MON2: variants seen among roughly 807,000 people sequenced by gnomAD.
The protein encoded by MON2 is protein MON2 homolog.
In MON2, 84 loss-of-function variants were observed where a neutral mutation model predicts 208.6. The ratio of observed to expected loss-of-function variants is 0.40; its 90% confidence interval spans 0.34 to 0.48. The LOEUF (loss-of-function observed/expected upper bound fraction) is 0.48. Ranked by LOEUF, MON2 falls within the 20% of genes least tolerant of loss-of-function variation. The pLI is 0.59. For missense variants in MON2, 1,611 were observed against 2,015.4 expected (o/e 0.80, Z 3.84); for synonymous variants, 660 against 694.0 (o/e 0.95, Z 0.77).
chr12:62,481,298 G>C (rs185509069), intron 1 of MON2, among the ~76,000 whole-genome samples: 1 of 152,028 alleles, frequency 6.6e-6, no homozygotes, highest in Non-Finnish European at 1.5e-5. Flanking sequence ...AGGCTGAGGC[G>C]GGCGGATCAC....
At chr12:62,588,213 G>A (rs150301464) in intron 34 of MON2, 57 bp downstream of exon 34, 14,848 of 1,213,650 alleles carry the variant, frequency 0.012, 135 homozygotes, top group Non-Finnish European at 0.015. Flanking sequence ...TATTTGTGAT[G>A]GACTTTTGTC....
At chr12:62,556,559 T>C in intron 25 of MON2, among the ~76,000 whole-genome samples, 1 of 152,090 alleles carries the variant, frequency 6.6e-6, no homozygotes, top group African/African-American at 2.4e-5. Flanking sequence ...CTGAGATCTG[T>C]AGGGTAAGTA....
chr12:62,504,418 G>A (rs1293587328), intron 7 of MON2, among the ~76,000 whole-genome samples: 4 of 151,468 alleles, frequency 2.6e-5, no homozygotes, highest in Non-Finnish European at 5.9e-5. Flanking sequence ...CTAATTTTTT[G>A]TATTTTTTTT....
intron 12 of MON2, among the ~76,000 whole-genome samples, chr12:62,534,196 G>A (rs896007265): frequency 1.3e-5 from 2 of 150,958 alleles, no homozygotes; most frequent in African/African-American, 2.4e-5. Flanking sequence ...TTTGAGTCCA[G>A]TCTGAGTAAC....
chr12:62,519,308 A>C (rs182599491), intron 8 of MON2, among the ~76,000 whole-genome samples: 40 of 152,160 alleles, frequency 2.6e-4, no homozygotes, highest in East Asian at 2.3e-3. Context: ...CAGCTGAGTG[A>C]TACTGGGGGT....
chr12:62,531,849 A>C (rs929144336), intron 11 of MON2, among the ~76,000 whole-genome samples: 8 of 151,868 alleles, frequency 5.3e-5, no homozygotes, highest in African/African-American at 1.9e-4. Context: ...GGCTCACTGC[A>C]AGCTCTGCCT....
chr12:62,521,418 T>C (rs922040345), intron 8 of MON2, among the ~76,000 whole-genome samples: 2 of 152,180 alleles, frequency 1.3e-5, no homozygotes, highest in Non-Finnish European at 2.9e-5. Context: ...TGATTTCTGC[T>C]AAGGCACCAG....
rs1261185346 is a variant in MON2 at position 62,555,981 on chromosome 12, A to T, written c.3211-13A>T. 6.4e-7 allele frequency: 1 copy of T among 1,567,000 alleles called. No homozygotes were observed. The highest frequency in any genetic ancestry group is 8.7e-7 in the Non-Finnish European group (1 of 1,143,148). ...ATCAATGCATTTTAAATGACATTTT[A>T]ATAAATATTTAGGTACTCTTTCATC... On this transcript the variant is annotated splice_polypyrimidine_tract_variant and intron_variant, in intron 24 of 34. Transcript: ENST00000393630.
chr12:62,543,187 C>A lies in MON2; in HGVS notation c.2455C>A (p.His819Asn). The A allele has an allele frequency of 6.6e-7, 1 of 1,524,138 alleles. No homozygotes were observed. The highest frequency in any genetic ancestry group is 1.4e-5 in the African/African-American group (1 of 70,528). The allele number at this position is 1,524,138 out of a possible 1,614,324, so 94.4% of individuals were successfully genotyped here. A position where few individuals can be genotyped will look rare whatever the true frequency, so the allele number is the denominator to read the frequency against. Residue 819 changes from histidine (H) to asparagine (N), a missense_variant, in exon 20 of 35, where the codon CAT becomes AAT. His to Asn is a moderately conservative substitution (Grantham distance 68, BLOSUM62 1). Coordinates refer to ENST00000393630, the MANE Select transcript of MON2 (RefSeq NM_015026.3). ...AATTCTGTGGAGACCTCTGACTGGCCATCTACTTGAGGTAAATTCTCTTTC... is the reference window on the plus strand; with the variant it reads ...AATTCTGTGGAGACCTCTGACTGGCAATCTACTTGAGGTAAATTCTCTTTC... ...IEILWRPLTG[H>N]LLEVCQHPNS...
intron 29 of MON2, among the ~76,000 whole-genome samples, chr12:62,569,955 A>G (rs915227657): frequency 6.6e-6 from 1 of 152,002 alleles, no homozygotes; most frequent in Admixed American, 6.6e-5. Context: ...AAATATGAAA[A>G]TTTTTCTACT....
chr12:62,555,770 T>A (rs992299937), intron 24 of MON2, among the ~76,000 whole-genome samples: 1 of 146,656 alleles, frequency 6.8e-6, no homozygotes, highest in Non-Finnish European at 1.5e-5. Flanking sequence ...GATTGTGCCA[T>A]TGCACTCCAG....
intron 26 of MON2, among the ~76,000 whole-genome samples, chr12:62,562,270 T>G (rs527755824): frequency 6.6e-6 from 1 of 152,050 alleles, no homozygotes; most frequent in Admixed American, 6.6e-5. Flanking sequence ...TTGATTCAGG[T>G]TTTTATATAT....
chr12:62,581,080 A>T (rs2136457400), intron 32 of MON2, among the ~76,000 whole-genome samples: 1 of 152,348 alleles, frequency 6.6e-6, no homozygotes, highest in African/African-American at 2.4e-5. Context: ...ATTGATTTAG[A>T]AAGGTTGAAA....
At chr12:62,586,929 T>C (rs969976193) in intron 33 of MON2, among the ~76,000 whole-genome samples, 6 of 152,346 alleles carry the variant, frequency 3.9e-5, no homozygotes, top group African/African-American at 1.2e-4. Flanking sequence ...TCTGTGTTTG[T>C]TGCAGTATCA....
intron 11 of MON2, among the ~76,000 whole-genome samples, chr12:62,528,743 A>T (rs941049536): frequency 6.6e-6 from 1 of 152,218 alleles, no homozygotes; most frequent in Non-Finnish European, 1.5e-5. Flanking sequence ...GTCTAATGAG[A>T]TGCTTAACAC....
chr12:62,509,669 TAAG>T (rs1370427158), intron 8 of MON2, among the ~76,000 whole-genome samples: 1 of 152,152 alleles, frequency 6.6e-6, no homozygotes, highest in Non-Finnish European at 1.5e-5. Context: ...TCAACAAATT[TAAG>T]AAGATTGTAA....
In MON2 at chr12:62,594,746, A is replaced by G. The variant is rs2075487016; in HGVS notation, c.*1997A>G. On this transcript the variant is annotated 3_prime_UTR_variant, in exon 35 of 35. Transcript: ENST00000393630. The stretch of plus-strand genomic sequence containing the variant: ...ATTTATATGAACCAAAGCTTGCTTT[A>G]TCAGGACCATGCCCTACAGTTCAAA... The G allele has an allele frequency of 6.6e-6, 1 of 152,268 alleles. No individual in the cohort carries two copies. The highest frequency in any genetic ancestry group is 2.4e-5 in the African/African-American group (1 of 41,478). 9.4% of individuals were successfully genotyped at this position (152,268 alleles called of 1,614,324 possible).
chr12:62,495,997 G>T (rs1485312815), intron 4 of MON2, among the ~76,000 whole-genome samples: 1 of 151,996 alleles, frequency 6.6e-6, no homozygotes, highest in African/African-American at 2.4e-5. Flanking sequence ...AAAGTAGAGA[G>T]TACCATAGCA....
At chr12:62,513,093 G>A (rs933741297) in intron 8 of MON2, among the ~76,000 whole-genome samples, 2 of 152,180 alleles carry the variant, frequency 1.3e-5, no homozygotes, top group African/African-American at 2.4e-5. Flanking sequence ...GTGATGGGAG[G>A]GGCTGCCTCA....
Sources: gnomAD v4.1 joint callset for allele counts (sites outside exome capture counted in the v4.1 genomes callset) on GRCh38, gnomAD v4.1.1 for gene constraint, MANE v1.5 for transcripts, NCBI Gene and HGNC (gene_info 2026-07-23, HGNC 2026-07-21) for gene names.